XKR7: variants seen among roughly 807,000 people sequenced by gnomAD.
The protein encoded by XKR7 is XK-related protein 7.
In XKR7, 11 loss-of-function variants were observed where a neutral mutation model predicts 42.2. The observed-to-expected ratio is 0.26, with a 90% CI of 0.16 to 0.43. The LOEUF is 0.43. Among genes scored for constraint, XKR7 ranks in the 20% least tolerant of loss-of-function variants. XKR7 has a pLI of 1.00. For synonymous variants in XKR7, 346 were observed against 366.4 expected, an observed-to-expected ratio of 0.94 and a Z score of 0.64; for missense variants, 710 against 802.2, an observed-to-expected ratio of 0.89 and a Z score of 1.39.
intron 1 of XKR7, among the ~76,000 whole-genome samples, chr20:31,990,657 A>G (rs1016455289): frequency 2.0e-5 from 3 of 152,248 alleles, no homozygotes; most frequent in Non-Finnish European, 4.4e-5. Context: ...TGTAAATTAT[A>G]TATGACTAGA....
intron 1 of XKR7, among the ~76,000 whole-genome samples, chr20:31,975,059 C>T (rs565015866): frequency 2.6e-5 from 4 of 152,190 alleles, no homozygotes; most frequent in African/African-American, 7.2e-5. Flanking sequence ...AGTGGGAGGG[C>T]GGAGGGCTGC....
intron 1 of XKR7, among the ~76,000 whole-genome samples, chr20:31,983,207 G>A (rs570665731): frequency 6.6e-6 from 1 of 152,328 alleles, no homozygotes; most frequent in East Asian, 1.9e-4. Flanking sequence ...GCCAGGCACT[G>A]GGCATGTAGC....
In XKR7 at chr20:31,997,184, G is replaced by C. The variant is rs768945855; in HGVS notation, c.1467G>C (p.Ala489=). 1 of 1,610,016 alleles carries C rather than the reference G, an allele frequency of 6.2e-7. No individual in the cohort carries two copies. The highest frequency in any genetic ancestry group is 2.2e-5 in the East Asian group (1 of 44,860). Reference sequence around the variant, plus strand: ...GTGCTGAGCGGGATGGGGCCTCGGCGGGAGAGCGTGCAGGGACCCCCACCC... The same window carrying C: ...GTGCTGAGCGGGATGGGGCCTCGGCCGGAGAGCGTGCAGGGACCCCCACCC... The part of the protein sequence containing the change: ...TTGAERDGAS[A]GERAGTPTPP... Residue 489 remains alanine, a synonymous_variant, in exon 3 of 3, where the codon GCG becomes GCC. Transcript: ENST00000562532.
At chr20:31,989,630 T>C (rs945817290) in intron 1 of XKR7, among the ~76,000 whole-genome samples, 1 of 152,116 alleles carries the variant, frequency 6.6e-6, no homozygotes, top group African/African-American at 2.4e-5. Context: ...TGTTGTTTTT[T>C]AGTGATGGAC....
chr20:31,989,853 T>C (rs1407433314), intron 1 of XKR7, among the ~76,000 whole-genome samples: 2 of 152,196 alleles, frequency 1.3e-5, no homozygotes, highest in African/African-American at 4.8e-5. Context: ...GCTCAAGTGA[T>C]CCTCCCGCCT....
chr20:31,981,825 C>T (rs1335619274), intron 1 of XKR7, among the ~76,000 whole-genome samples: 1 of 152,208 alleles, frequency 6.6e-6, no homozygotes, highest in Non-Finnish European at 1.5e-5. Flanking sequence ...CCATTCTGAC[C>T]ACTTACTGCT....
intron 1 of XKR7, among the ~76,000 whole-genome samples, chr20:31,988,790 A>G (rs895726881): frequency 6.6e-6 from 1 of 152,176 alleles, no homozygotes; most frequent in Admixed American, 6.5e-5. Flanking sequence ...TCCTGTAGGA[A>G]GAAGGTCAAG....
intron 1 of XKR7, among the ~76,000 whole-genome samples, chr20:31,971,151 G>T (rs2064463526): frequency 6.6e-6 from 1 of 152,000 alleles, no homozygotes; most frequent in Non-Finnish European, 1.5e-5. Flanking sequence ...AATGTGAAAA[G>T]AGGGGCAGGG....
At position 31,968,230 on chromosome 20, in the gene XKR7, G is replaced by A. The variant is rs1281357588; in HGVS notation, c.55G>A (p.Ala19Thr). 2.6e-5 allele frequency: 30 copies of A among 1,153,022 alleles called. No homozygotes were observed. Among genetic ancestry groups the A allele is most frequent in the Non-Finnish European group, 3.1e-5 (29 of 937,348 alleles). The allele number at this position is 1,153,022 out of a possible 1,614,324, so 71.4% of individuals were successfully genotyped here. ...AASASPDPEGAAGGARGSAGG... is the reference protein window; with the variant it reads ...AASASPDPEGTAGGARGSAGG... The stretch of plus-strand genomic sequence containing the variant: ...CTCGGCCAGCCCGGACCCGGAGGGG[G>A]CTGCCGGTGGAGCCCGGGGCAGTGC... The change falls in exon 1 of 3, where the codon GCT becomes ACT. Residue 19 changes from alanine (A) to threonine (T), a missense_variant. Physicochemically the swap from Ala to Thr is moderately conservative, Grantham distance 58. Coordinates refer to ENST00000562532, the MANE Select transcript of XKR7 (RefSeq NM_001011718.2). This position sits in a 1 kb window ranked among gnomAD's most constrained non-coding sequence, Gnocchi z 4.5.
Position 31,995,413 on chromosome 20 carries a change from T to A in XKR7, c.787+143T>A, listed in dbSNP as rs529662529. ...TCAGGGTTTAGGGAGGCCTGCCCCT[T>A]CTACCCTCACCACCCTCCAGGCCTC... On this transcript the variant is annotated intron_variant, in intron 2 of 2. Transcript: ENST00000562532. The surrounding 1 kb of genome is among the most constrained non-coding windows in gnomAD (Gnocchi z 4.1). The A allele has an allele frequency of 1.0e-3, 1,414 of 1,379,686 alleles. 5 individuals are homozygous for A. Among genetic ancestry groups the A allele is most frequent in the Non-Finnish European group, 1.2e-3 (1,268 of 1,034,844 alleles). The allele number at this position is 1,379,686 out of a possible 1,614,324, so 85.5% of individuals were successfully genotyped here.
intron 1 of XKR7, among the ~76,000 whole-genome samples, chr20:31,985,005 A>G (rs1189061322): frequency 1.3e-5 from 2 of 152,198 alleles, no homozygotes; most frequent in African/African-American, 2.4e-5. Context: ...ATACGTTCAT[A>G]TGTATAAAAA....
chr20:31,971,506 C>T (rs1462193722), intron 1 of XKR7, among the ~76,000 whole-genome samples: 1 of 152,166 alleles, frequency 6.6e-6, no homozygotes, highest in Middle Eastern at 3.2e-3. Flanking sequence ...AGAGAAGCTG[C>T]AGGGGCTGGC....
chr20:31,982,288 A>G (rs2064516861), intron 1 of XKR7, among the ~76,000 whole-genome samples: 1 of 152,148 alleles, frequency 6.6e-6, no homozygotes, highest in African/African-American at 2.4e-5. Context: ...TGGGAGGCTG[A>G]GGTGGGTGGA....
At chr20:31,972,992 A>G (rs935116143) in intron 1 of XKR7, among the ~76,000 whole-genome samples, 3 of 152,200 alleles carry the variant, frequency 2.0e-5, no homozygotes, top group African/African-American at 7.2e-5. Context: ...AGACTTTACT[A>G]CTTCTTATAT....
chr20:31,969,115 C>T (rs2064452210), intron 1 of XKR7, among the ~76,000 whole-genome samples: 1 of 152,130 alleles, frequency 6.6e-6, no homozygotes, highest in South Asian at 2.1e-4. Flanking sequence ...TCTGCCATAA[C>T]CCACTCCTCT....
At position 31,995,487 on chromosome 20, in the gene XKR7, G is replaced by T. The variant is rs879473247; in HGVS notation, c.787+217G>T. Among the ~76,000 whole-genome samples, 1 of 151,962 alleles carries T rather than the reference G, an allele frequency of 6.6e-6. No individual in the cohort carries two copies. The highest frequency in any genetic ancestry group is 1.5e-5 in the Non-Finnish European group (1 of 67,948). On this transcript the variant is annotated intron_variant, in intron 2 of 2. Transcript: ENST00000562532. The surrounding 1 kb of genome is among the most constrained non-coding windows in gnomAD (Gnocchi z 4.1). ...ATGGCCCACTTATACTCAGAGTGAG[G>T]AGGGACCTGGCCCCTCCACTCCCTC... is the stretch of plus-strand genomic sequence containing the variant.
chr20:31,980,678 A>G (rs1224183444), intron 1 of XKR7, among the ~76,000 whole-genome samples: 3 of 152,132 alleles, frequency 2.0e-5, no homozygotes, highest in African/African-American at 4.8e-5. Context: ...TGTTCCCCAC[A>G]GCCAGGATGC....
chr20:31,984,518 G>A (rs979002216), intron 1 of XKR7, among the ~76,000 whole-genome samples: 1 of 152,158 alleles, frequency 6.6e-6, no homozygotes, highest in African/African-American at 2.4e-5. Context: ...AACATCCCTT[G>A]GTGTAGACAA....
intron 1 of XKR7, among the ~76,000 whole-genome samples, chr20:31,993,562 C>T (rs2064578769): frequency 1.3e-5 from 2 of 152,184 alleles, no homozygotes; most frequent in African/African-American, 4.8e-5. Flanking sequence ...TTCAGTTCAA[C>T]AAGCCTGCAG....
Sources: allele counts gnomAD v4.1 joint callset (sites outside exome capture counted in the v4.1 genomes callset), GRCh38; gene constraint gnomAD v4.1.1; non-coding constraint Gnocchi (gnomAD v3.1); transcripts MANE v1.5; gene names NCBI Gene and HGNC (gene_info 2026-07-23, HGNC 2026-07-21).